CENPI: variants seen among roughly 807,000 people sequenced by gnomAD.
CENPI encodes centromere protein I.
A neutral mutation model predicts 60.4 loss-of-function variants in CENPI; 4 were observed. The ratio of observed to expected loss-of-function variants is 0.07; its 90% confidence interval spans 0.03 to 0.15. CENPI has a LOEUF of 0.15. Among genes scored for constraint, CENPI ranks in the 10% least tolerant of loss-of-function variants. CENPI has a pLI of 1.00. For synonymous variants in CENPI, 157 were observed against 189.4 expected, an observed-to-expected ratio of 0.83 and a Z score of 1.40; for missense variants, 444 against 534.5, an observed-to-expected ratio of 0.83 and a Z score of 1.67.
intron 11 of CENPI, among the ~76,000 whole-genome samples, chrX:101,128,193 G>T (rs2089755921): frequency 8.9e-6 from 1 of 111,875 alleles, no homozygotes; most frequent in Non-Finnish European, 1.9e-5. Context: ...ATTTAGCTGG[G>T]CGTGGTGGCA....
chrX:101,127,622 T>G lies in CENPI; in HGVS notation c.1031T>G (p.Leu344Arg). The G allele has an allele frequency of 8.4e-7, 1 of 1,194,182 alleles. No individual in the cohort carries two copies. Among genetic ancestry groups the G allele is most frequent in the Non-Finnish European group, 1.1e-6 (1 of 886,699 alleles). ...AGTGGATCATTTCCACTAGAACAAC[T>G]TCAAAGCTTCCCCCAACTTTTACAG... is the stretch of plus-strand genomic sequence containing the variant. ...NRSGSFPLEQ[L>R]QSFPQLLQNI... Residue 344 changes from leucine to arginine, a missense_variant, in exon 11 of 22, where the codon CTT becomes CGT. Coordinates refer to ENST00000682095, the MANE Select transcript of CENPI (RefSeq NM_001386188.2).
chrX:101,114,025 G>A (rs5921724), intron 6 of CENPI, among the ~76,000 whole-genome samples: 17,284 of 111,006 alleles, frequency 0.16, 1,230 homozygotes, highest in Middle Eastern at 0.23. Flanking sequence ...GGGAGGCCGA[G>A]GGGGGCAGAT....
chrX:101,115,066 T>G (rs1478743414), intron 6 of CENPI, among the ~76,000 whole-genome samples: 1 of 106,968 alleles, frequency 9.3e-6, no homozygotes, highest in Non-Finnish European at 1.9e-5. Flanking sequence ...CGGGTTCAAG[T>G]GATTCTCCTG....
At chrX:101,107,892 C>T (rs1352441730) in intron 4 of CENPI, among the ~76,000 whole-genome samples, 1 of 96,270 alleles carries the variant, frequency 1.0e-5, no homozygotes. Context: ...GGCTGGATTA[C>T]AGGCGTGAGC....
chrX:101,149,698 G>T (rs774203786), intron 20 of CENPI, among the ~76,000 whole-genome samples: 1 of 110,123 alleles, frequency 9.1e-6, no homozygotes, highest in Non-Finnish European at 1.9e-5. Context: ...GTAGAGACAG[G>T]GTTTTGCCAT....
At chrX:101,180,204 G>A in the CENPI span, among the ~76,000 whole-genome samples, 1 of 111,040 alleles carries the variant, frequency 9.0e-6, no homozygotes, top group East Asian at 2.8e-4. Context: ...TGGCATGATC[G>A]TGGCTCACTG....
Position 101,162,454 on chromosome X carries a change from TCA to T in CENPI, c.2137-378_2137-377del, listed in dbSNP as rs1491176872. 8.7e-3 allele frequency among the ~76,000 whole-genome samples: 418 copies of T among 47,840 alleles called. 4 individuals carry two copies. Among genetic ancestry groups the T allele is most frequent in the Middle Eastern group, 0.014 (1 of 72 alleles). The allele number at this position is 47,840 out of a possible 115,157, so 41.5% of individuals were successfully genotyped here. A position where few individuals can be genotyped will look rare whatever the true frequency, so the allele number is the denominator to read the frequency against. ...GCAACAAACAGAGCAAAACCGTATC[TCA>T]AAAAAAAAAAAAAAAAAATATATAT... On this transcript the variant is annotated intron_variant, in intron 21 of 21. Coordinates refer to ENST00000682095, the MANE Select transcript of CENPI (RefSeq NM_001386188.2).
At chrX:101,180,517 C>T in the CENPI span, among the ~76,000 whole-genome samples, 3 of 111,940 alleles carry the variant, frequency 2.7e-5, no homozygotes, top group Admixed American at 1.9e-4. Flanking sequence ...ATATAAGACA[C>T]TTCTCAGATA....
chrX:101,099,691 G>A (rs1389690553), intron 2 of CENPI: 1 of 109,581 alleles, frequency 9.1e-6, no homozygotes, highest in African/African-American at 3.3e-5. Context: ...GGTTTTCTCT[G>A]AACACTTATT....
intron 16 of CENPI, among the ~76,000 whole-genome samples, chrX:101,142,981 G>A (rs749127834): frequency 1.6e-4 from 17 of 106,525 alleles, no homozygotes; most frequent in African/African-American, 5.5e-4. Flanking sequence ...GCTGAGGCAC[G>A]AGAATTGCTT....
intron 6 of CENPI, among the ~76,000 whole-genome samples, chrX:101,114,968 T>A (rs867853262): frequency 2.0e-5 from 2 of 98,404 alleles, no homozygotes; most frequent in South Asian, 4.4e-4. Context: ...ATTTTTTTTT[T>A]AATTTATTTT....
chrX:101,125,412 TTGGAGA>T (rs1193113581), intron 8 of CENPI, among the ~76,000 whole-genome samples: 2 of 111,551 alleles, frequency 1.8e-5, no homozygotes, highest in Admixed American at 9.6e-5. Context: ...TATTTATTTA[TTGGAGA>T]TGGAGTCTCA....
intron 20 of CENPI, among the ~76,000 whole-genome samples, chrX:101,160,375 CTTTTTT>C (rs763855508): frequency 1.2e-5 from 1 of 81,425 alleles, no homozygotes; most frequent in Non-Finnish European, 2.3e-5. Flanking sequence ...GCTTTTAGTT[CTTTTTT>C]TTTTTTTTTT....
the CENPI span, among the ~76,000 whole-genome samples, chrX:101,178,502 C>T: frequency 9.8e-6 from 1 of 101,705 alleles, no homozygotes; most frequent in South Asian, 4.8e-4. Flanking sequence ...CCTCCATCTC[C>T]TGGGTTCAAG....
chrX:101,123,066 C>G (rs1162429314), intron 8 of CENPI, among the ~76,000 whole-genome samples: 1 of 111,804 alleles, frequency 8.9e-6, no homozygotes, highest in East Asian at 2.8e-4. Context: ...CAGTAAGTAC[C>G]CATTTATAAA....
chrX:101,147,322 T>C (rs2089970864), intron 18 of CENPI, among the ~76,000 whole-genome samples: 1 of 110,401 alleles, frequency 9.1e-6, no homozygotes, highest in Admixed American at 9.8e-5. Flanking sequence ...ACCTATCAAC[T>C]CATCATCTAG....
chrX:101,109,233 A>T (rs1406981046), intron 4 of CENPI, among the ~76,000 whole-genome samples: 1 of 108,179 alleles, frequency 9.2e-6, no homozygotes, highest in Non-Finnish European at 1.9e-5. Context: ...GGCATGCTCC[A>T]CCACGCCCAG....
intron 20 of CENPI, among the ~76,000 whole-genome samples, chrX:101,155,297 C>A (rs143263134): frequency 0.15 from 16,776 of 110,610 alleles, 1,186 homozygotes; most frequent in Non-Finnish European, 0.22. Context: ...TCAAGCAATT[C>A]TCTTGCCTCA....
chrX:101,145,296 C>CTA (rs1273451367), intron 17 of CENPI, 97 bp downstream of exon 17: 7 of 684,779 alleles, frequency 1.0e-5, no homozygotes, highest in Non-Finnish European at 1.3e-5. Flanking sequence ...TTAAGGTGGG[C>CTA]TATGATCTTA....
Sources: allele counts gnomAD v4.1 joint callset (sites outside exome capture counted in the v4.1 genomes callset), GRCh38; gene constraint gnomAD v4.1.1; transcripts MANE v1.5; gene names NCBI Gene and HGNC (gene_info 2026-07-23, HGNC 2026-07-21).